The following EPG5 variants were observed in gnomAD, a reference collection of about 807,000 sequenced individuals.
EPG5 encodes ectopic P granules protein 5 homolog.
EPG5 carries 159 observed loss-of-function variants against 302.7 expected under a neutral mutation model. The observed-to-expected ratio is 0.53, with a 90% CI of 0.46 to 0.60. The LOEUF is 0.60. Among genes scored for constraint, EPG5 ranks in the 20% least tolerant of loss-of-function variants. EPG5 has a pLI of 0.00. For synonymous variants in EPG5, 1,158 were observed against 1,136.8 expected, an observed-to-expected ratio of 1.02 and a Z score of -0.37; for missense variants, 2,896 against 3,092.4, an observed-to-expected ratio of 0.94 and a Z score of 1.51.
At chr18:45,914,302 C>A (rs893833271) in intron 20 of EPG5, among the ~76,000 whole-genome samples, 2 of 152,124 alleles carry the variant, frequency 1.3e-5, no homozygotes, top group Non-Finnish European at 2.9e-5. Context: ...TAAGAGAATC[C>A]GCTAGGCAGA....
the EPG5 span, among the ~76,000 whole-genome samples, chr18:45,804,317 A>G: frequency 6.6e-6 from 1 of 152,192 alleles, no homozygotes; most frequent in Admixed American, 6.5e-5. Flanking sequence ...CATACCTACA[A>G]TTGAACTCCT....
intron 9 of EPG5, among the ~76,000 whole-genome samples, chr18:45,941,123 G>A (rs892631865): frequency 1.3e-5 from 2 of 151,976 alleles, no homozygotes; most frequent in African/African-American, 4.8e-5. Flanking sequence ...CAGGGACTGA[G>A]CCCTGAGACA....
chr18:45,878,296 T>C (rs2049015958), intron 34 of EPG5, 80 bp downstream of exon 34: 5 of 910,552 alleles, frequency 5.5e-6, no homozygotes, highest in Non-Finnish European at 1.8e-6. Context: ...ATCTGTGAAC[T>C]CATCACTTCT....
At chr18:45,809,165 A>T in the EPG5 span, among the ~76,000 whole-genome samples, 7 of 152,226 alleles carry the variant, frequency 4.6e-5, no homozygotes, top group Admixed American at 2.0e-4. Context: ...CTTGTCCAAC[A>T]GGAAAATATC....
At chr18:45,922,720 T>G in intron 15 of EPG5, 120 bp from the exon 16 acceptor site, 1 of 1,217,404 alleles carries the variant, frequency 8.2e-7, no homozygotes, top group Non-Finnish European at 1.1e-6. Context: ...TTCTACTTGC[T>G]GGTCTCCAAT....
At chr18:45,836,262 T>C in the EPG5 span, among the ~76,000 whole-genome samples, 1 of 152,154 alleles carries the variant, frequency 6.6e-6, no homozygotes. Context: ...TTTAATAATA[T>C]CTGCCCTGCC....
Position 45,910,804 on chromosome 18 carries a change from T to C in EPG5, c.3984-62A>G, listed in dbSNP as rs563150131. ...CACAAGATGTACTTTCTGTATGGCA[T>C]AAAATAGCAGTTAATTAGCAAGGCA... On this transcript the variant is annotated intron_variant, in intron 22 of 43. Coordinates refer to ENST00000282041, the MANE Select transcript of EPG5 (RefSeq NM_020964.3). 4 of 1,346,560 alleles carry C rather than the reference T, an allele frequency of 3.0e-6. No individual in the cohort carries two copies. The East Asian group carries it at 7.0e-5, about 24-fold the overall frequency. 83.4% of individuals were successfully genotyped at this position (1,346,560 alleles called of 1,614,324 possible). A position where few individuals can be genotyped will look rare whatever the true frequency, so the allele number is the denominator to read the frequency against.
chr18:45,864,329 C>T (rs2145243840), intron 39 of EPG5, among the ~76,000 whole-genome samples: 1 of 152,190 alleles, frequency 6.6e-6, no homozygotes, highest in South Asian at 2.1e-4. Context: ...CCAATTTTCT[C>T]TTCGGATGGG....
rs903437655 is a variant in EPG5, at chr18:45,908,213, C to G, written c.4206-132G>C. 5 of 650,774 alleles carry G rather than the reference C, an allele frequency of 7.7e-6. No individual in the cohort carries two copies. In the African/African-American group the frequency reaches 9.7e-5, roughly 13 times the overall value. 40.3% of individuals were successfully genotyped at this position (650,774 alleles called of 1,614,324 possible). A position where few individuals can be genotyped will look rare whatever the true frequency, so the allele number is the denominator to read the frequency against. ...CCCATAATACAGAAAATGTGGCCAACAACCACCACGGCTCCCAGAGAACTC... is the reference window on the plus strand; with the variant it reads ...CCCATAATACAGAAAATGTGGCCAAGAACCACCACGGCTCCCAGAGAACTC... On this transcript the variant is annotated intron_variant, in intron 23 of 43. Transcript: ENST00000282041.
chr18:45,853,660 A>AT (rs1318188324), intron 43 of EPG5, among the ~76,000 whole-genome samples: 1 of 152,138 alleles, frequency 6.6e-6, no homozygotes, highest in Non-Finnish European at 1.5e-5. Flanking sequence ...AAGAGAGGGG[A>AT]TTTTTTTGAG....
the EPG5 span, among the ~76,000 whole-genome samples, chr18:45,824,362 A>T: frequency 6.6e-6 from 1 of 152,020 alleles, no homozygotes. Context: ...ACCCACCACC[A>T]CACCCAGCTA....
At chr18:45,815,321 G>A in the EPG5 span, among the ~76,000 whole-genome samples, 1 of 152,070 alleles carries the variant, frequency 6.6e-6, no homozygotes, top group East Asian at 1.9e-4. Flanking sequence ...TGGAGGGCTT[G>A]GAGAACTCAC....
intron 10 of EPG5, among the ~76,000 whole-genome samples, chr18:45,938,750 T>C (rs1445472509): frequency 6.6e-6 from 1 of 152,198 alleles, no homozygotes; most frequent in Non-Finnish European, 1.5e-5. Context: ...ATCTCCGTTT[T>C]AGAAATGAAA....
At chr18:45,930,907 G>A in intron 11 of EPG5, 77 bp from the exon 12 acceptor site, 1 of 1,309,336 alleles carries the variant, frequency 7.6e-7, no homozygotes, top group East Asian at 2.7e-5. Context: ...CAGAGAAAAA[G>A]ATTTAGGAAT....
At chr18:45,941,095 A>C (rs1281699460) in intron 9 of EPG5, among the ~76,000 whole-genome samples, 5 of 152,226 alleles carry the variant, frequency 3.3e-5, no homozygotes, top group African/African-American at 1.2e-4. Context: ...GCAAGTGTAG[A>C]TAAAGAGAAG....
At chr18:45,822,656 A>C in the EPG5 span, among the ~76,000 whole-genome samples, 1 of 152,240 alleles carries the variant, frequency 6.6e-6, no homozygotes, top group African/African-American at 2.4e-5. Context: ...TATGTACCCC[A>C]TAAATATGAA....
chr18:45,886,668 T>A (rs745875673), intron 29 of EPG5, among the ~76,000 whole-genome samples: 3 of 152,204 alleles, frequency 2.0e-5, no homozygotes, highest in Non-Finnish European at 4.4e-5. Context: ...TACATTAATT[T>A]TTTTTTTGAG....
downstream of EPG5, chr18:45,844,006 C>A (rs1305545112): frequency 6.6e-6 from 1 of 151,992 alleles, no homozygotes; most frequent in Non-Finnish European, 1.5e-5. Context: ...TTTGCAATAG[C>A]CAAGATATGG....
intron 9 of EPG5, among the ~76,000 whole-genome samples, chr18:45,940,606 A>G (rs1186012752): frequency 1.3e-5 from 2 of 152,222 alleles, no homozygotes; most frequent in East Asian, 3.8e-4. Flanking sequence ...TGTCTTTCAC[A>G]CTAGTATCCC....
Sources: gnomAD v4.1 joint callset for allele counts (sites outside exome capture counted in the v4.1 genomes callset) on GRCh38, gnomAD v4.1.1 for gene constraint, MANE v1.5 for transcripts, NCBI Gene and HGNC (gene_info 2026-07-23, HGNC 2026-07-21) for gene names.